Variants in GALNT13 observed in about 807,000 individuals in gnomAD.
GALNT13 encodes polypeptide N-acetylgalactosaminyltransferase 13.
A neutral mutation model predicts 64.2 loss-of-function variants in GALNT13; 28 were observed. The observed-to-expected ratio is 0.44, with a 90% CI of 0.32 to 0.60. The LOEUF is 0.60. Among genes scored for constraint, GALNT13 ranks in the 20% least tolerant of loss-of-function variants. The pLI, the probability that GALNT13 is intolerant of heterozygous loss-of-function variation, is 0.05. For missense variants in GALNT13, 577 were observed against 669.8 expected (o/e 0.86, Z 1.53); for synonymous variants, 214 against 224.6 (o/e 0.95, Z 0.42).
the GALNT13 span, among the ~76,000 whole-genome samples, chr2:153,392,728 T>C: frequency 6.6e-6 from 1 of 152,034 alleles, no homozygotes; most frequent in African/African-American, 2.4e-5. Context: ...TTCTCCCCAG[T>C]TCAGTCACCT....
intron 9 of GALNT13, among the ~76,000 whole-genome samples, chr2:154,368,072 GTA>G (rs1206484534): frequency 6.6e-6 from 1 of 151,986 alleles, no homozygotes; most frequent in African/African-American, 2.4e-5. Context: ...TGAAATATGA[GTA>G]TATTTTTAGA....
chr2:153,592,980 G>A, the GALNT13 span: 10 of 152,392 alleles, frequency 6.6e-5, no homozygotes, highest in South Asian at 2.1e-4. Context: ...ACAAAGATCC[G>A]TCAGGAGGGA....
the GALNT13 span, among the ~76,000 whole-genome samples, chr2:153,476,575 C>T: frequency 6.6e-6 from 1 of 152,128 alleles, no homozygotes; most frequent in Non-Finnish European, 1.5e-5. Context: ...AATGTGTCAA[C>T]GGCCATCTGT....
At chr2:153,166,621 ATGTGTGTGTGTG>A in the GALNT13 span, among the ~76,000 whole-genome samples, 67 of 122,746 alleles carry the variant, frequency 5.5e-4, no homozygotes, top group East Asian at 3.0e-3. Flanking sequence ...TGCCTACTGC[ATGTGTGTGTGTG>A]TGTGTGTGTG....
At chr2:154,141,029 T>G (rs1683228684) in intron 4 of GALNT13, among the ~76,000 whole-genome samples, 1 of 152,146 alleles carries the variant, frequency 6.6e-6, no homozygotes, top group South Asian at 2.1e-4. Context: ...ACACTAGAGA[T>G]AAATGTAACA....
the GALNT13 span, among the ~76,000 whole-genome samples, chr2:153,507,948 C>G: frequency 6.6e-6 from 1 of 152,080 alleles, no homozygotes; most frequent in Non-Finnish European, 1.5e-5. Flanking sequence ...TCTTCTGGGT[C>G]TGGCCACCTG....
At chr2:154,387,900 CT>C (rs2105345504) in intron 9 of GALNT13, among the ~76,000 whole-genome samples, 1 of 152,222 alleles carries the variant, frequency 6.6e-6, no homozygotes, top group Admixed American at 6.5e-5. Flanking sequence ...GCAGATATCC[CT>C]TTGACATATT....
chr2:153,748,324 T>C, the GALNT13 span, among the ~76,000 whole-genome samples: 1 of 152,144 alleles, frequency 6.6e-6, no homozygotes, highest in African/African-American at 2.4e-5. Flanking sequence ...ATATAGTAGA[T>C]ATAGTTTTAG....
At chr2:154,228,939 A>T (rs529228896) in intron 4 of GALNT13, among the ~76,000 whole-genome samples, 20 of 152,230 alleles carry the variant, frequency 1.3e-4, no homozygotes, top group African/African-American at 4.8e-4. Context: ...GGAACAGTTG[A>T]TGGGACTATT....
chr2:154,067,775 A>G (rs1700544246), intron 3 of GALNT13, among the ~76,000 whole-genome samples: 1 of 152,078 alleles, frequency 6.6e-6, no homozygotes, highest in Admixed American at 6.6e-5. Flanking sequence ...TAAAAGAAAA[A>G]TTTAGGGAAA....
the GALNT13 span, among the ~76,000 whole-genome samples, chr2:153,709,686 C>T: frequency 6.6e-6 from 1 of 152,004 alleles, no homozygotes; most frequent in Admixed American, 6.6e-5. Flanking sequence ...GAGATGTCTG[C>T]ACTCCTATGT....
At chr2:153,866,598 A>G in the GALNT13 span, among the ~76,000 whole-genome samples, 1 of 152,220 alleles carries the variant, frequency 6.6e-6, no homozygotes, top group Non-Finnish European at 1.5e-5. Context: ...TATAAAGCTT[A>G]GTTTAAAACT....
the GALNT13 span, among the ~76,000 whole-genome samples, chr2:153,649,644 G>A: frequency 3.9e-5 from 6 of 152,078 alleles, no homozygotes; most frequent in Admixed American, 1.3e-4. Context: ...AAATGTGTCT[G>A]ATAGATTCTG....
chr2:154,333,479 A>G (rs991515897), intron 9 of GALNT13, among the ~76,000 whole-genome samples: 1 of 152,086 alleles, frequency 6.6e-6, no homozygotes, highest in South Asian at 2.1e-4. Context: ...AGGAAACTCA[A>G]TTACATTATT....
intron 3 of GALNT13, among the ~76,000 whole-genome samples, chr2:154,080,726 G>T (rs964220294): frequency 1.3e-5 from 2 of 151,456 alleles, no homozygotes; most frequent in African/African-American, 4.8e-5. Context: ...CTAATCCTTT[G>T]ACTATTCAAA....
chr2:153,069,141 G>A, the GALNT13 span, among the ~76,000 whole-genome samples: 8 of 152,112 alleles, frequency 5.3e-5, no homozygotes, highest in African/African-American at 1.7e-4. Context: ...GACCTTCAGC[G>A]TCCAGGAGAT....
chr2:153,850,995 C>T, the GALNT13 span, among the ~76,000 whole-genome samples: 1 of 151,534 alleles, frequency 6.6e-6, no homozygotes, highest in Non-Finnish European at 1.5e-5. Context: ...AATAAGGTGA[C>T]AAAGAAAATG....
chr2:153,402,182 T>C, the GALNT13 span, among the ~76,000 whole-genome samples: 1 of 148,744 alleles, frequency 6.7e-6, no homozygotes, highest in Non-Finnish European at 1.5e-5. Context: ...GTCCTTCACT[T>C]ATGAAGCTTA....
chr2:153,723,044 A>G, the GALNT13 span, among the ~76,000 whole-genome samples: 1 of 151,904 alleles, frequency 6.6e-6, no homozygotes, highest in Non-Finnish European at 1.5e-5. Flanking sequence ...CATTGATGCA[A>G]AAATCCTCAA....
Sources: gnomAD v4.1 joint callset for allele counts (sites outside exome capture counted in the v4.1 genomes callset) on GRCh38, gnomAD v4.1.1 for gene constraint, MANE v1.5 for transcripts, NCBI Gene and HGNC (gene_info 2026-07-23, HGNC 2026-07-21) for gene names.